The following NTM variants were observed in gnomAD, a reference collection of about 807,000 sequenced individuals.
The protein encoded by NTM is IgLON family member 2.
In NTM, 13 loss-of-function variants were observed where a neutral mutation model predicts 42.1. That is an observed-to-expected ratio of 0.31 (90% confidence interval 0.20 to 0.49). The LOEUF (loss-of-function observed/expected upper bound fraction) is 0.49. Among genes scored for constraint, NTM ranks in the 20% least tolerant of loss-of-function variants. The pLI is 0.99. For missense variants in NTM, 373 were observed against 452.8 expected (o/e 0.82, Z 1.60); for synonymous variants, 187 against 179.2 (o/e 1.04, Z -0.35).
chr11:132,181,060 C>T (rs556513537), intron 3 of NTM, among the ~76,000 whole-genome samples: 1 of 152,206 alleles, frequency 6.6e-6, no homozygotes, highest in Non-Finnish European at 1.5e-5. Flanking sequence ...AAGCAATTGC[C>T]TATTGCCAAA....
chr11:131,518,532 C>T (rs2049182443), intron 1 of NTM, among the ~76,000 whole-genome samples: 1 of 152,168 alleles, frequency 6.6e-6, no homozygotes, highest in Non-Finnish European at 1.5e-5. Flanking sequence ...GTAGCTGAAG[C>T]ATGCTATTAA....
At chr11:132,093,029 A>G (rs2060549031) in intron 2 of NTM, among the ~76,000 whole-genome samples, 1 of 152,174 alleles carries the variant, frequency 6.6e-6, no homozygotes, top group Non-Finnish European at 1.5e-5. Flanking sequence ...TTGAAATGGA[A>G]ATATGATTCT....
At chr11:131,418,919 T>G (rs1343169457) in intron 1 of NTM, among the ~76,000 whole-genome samples, 1 of 152,150 alleles carries the variant, frequency 6.6e-6, no homozygotes, top group Non-Finnish European at 1.5e-5. Context: ...TCATGAACAC[T>G]TCACCTATTG....
intron 2 of NTM, among the ~76,000 whole-genome samples, chr11:131,986,215 G>A (rs376750531): frequency 1.3e-5 from 2 of 152,150 alleles, no homozygotes; most frequent in East Asian, 1.9e-4. Context: ...TCCTTTGGCC[G>A]CTAAAGATGC....
intron 1 of NTM, among the ~76,000 whole-genome samples, chr11:131,878,590 AAAAAATATATATATATAT>A (rs2048904065): frequency 6.4e-5 from 2 of 31,478 alleles, no homozygotes; most frequent in Admixed American, 3.8e-4. Context: ...AAAAAAAAAA[AAAAAATATATATATATAT>A]ATATATATAT....
rs997831621 is a variant in NTM, at chr11:131,994,105, T to C, written c.167+82457T>C. 2.6e-5 allele frequency among the ~76,000 whole-genome samples: 4 copies of C among 152,024 alleles called. No homozygotes were observed. The East Asian group carries it at 7.7e-4, about 29-fold the overall frequency. Reference sequence around the variant, plus strand: ...TGTCTCTAAAGGTGGAGAAAGACATTAAAGAAGACAGTATTAGCCAATGGT... The same window carrying C: ...TGTCTCTAAAGGTGGAGAAAGACATCAAAGAAGACAGTATTAGCCAATGGT... On this transcript the variant is annotated intron_variant, in intron 2 of 8. Transcript: ENST00000683400.
At chr11:132,313,761 T>G (rs894262155) in intron 6 of NTM, among the ~76,000 whole-genome samples, 57 of 152,222 alleles carry the variant, frequency 3.7e-4, no homozygotes, top group Non-Finnish European at 1.9e-4. Context: ...TAAGCATACC[T>G]CACTTCCCCC....
At chr11:132,182,216 A>G (rs1287940217) in intron 3 of NTM, among the ~76,000 whole-genome samples, 1 of 151,976 alleles carries the variant, frequency 6.6e-6, no homozygotes, top group East Asian at 1.9e-4. Flanking sequence ...TAAGTTCCTA[A>G]CCTTACAATT....
Position 132,052,182 on chromosome 11 carries a change from A to T in NTM, c.168-94100A>T, listed in dbSNP as rs192721887. ...CAACAGATATTTATCCCAAGGAGGG[A>T]GATTTACAAAGCCAAATTTGCTCTT... is the stretch of plus-strand genomic sequence containing the variant. On this transcript the variant is annotated intron_variant, in intron 2 of 8. Transcript: ENST00000683400. Among the ~76,000 whole-genome samples, 206 of 152,332 alleles carry T rather than the reference A, an allele frequency of 1.4e-3. 1 individual carries two copies. The highest frequency in any genetic ancestry group is 4.8e-3 in the African/African-American group (200 of 41,574).
chr11:132,191,981 TTAAAAATGAACAAAACCTTCAATAA>T (rs1329405954), intron 3 of NTM, among the ~76,000 whole-genome samples: 2 of 152,142 alleles, frequency 1.3e-5, no homozygotes, highest in Non-Finnish European at 2.9e-5. Flanking sequence ...TAAAGAATTT[TTAAAAATGAACAAAACCTTCAATAA>T]TATGGGATTC....
intron 1 of NTM, among the ~76,000 whole-genome samples, chr11:131,439,984 C>G (rs1443088492): frequency 6.9e-6 from 1 of 145,452 alleles, no homozygotes; most frequent in African/African-American, 2.5e-5. Context: ...GTACTTAATA[C>G]ATTTCTCTTC....
intron 1 of NTM, among the ~76,000 whole-genome samples, chr11:131,517,460 A>G (rs2136519996): frequency 6.6e-6 from 1 of 152,298 alleles, no homozygotes; most frequent in South Asian, 2.1e-4. Context: ...AGGCAAAACA[A>G]TAGGCAGGCT....
chr11:131,735,774 T>A (rs1480392970), intron 1 of NTM, among the ~76,000 whole-genome samples: 1 of 151,312 alleles, frequency 6.6e-6, no homozygotes, highest in East Asian at 1.9e-4. Context: ...CACACTGTGG[T>A]GGAAAGAACA....
intron 1 of NTM, among the ~76,000 whole-genome samples, chr11:131,473,412 C>A (rs1249397276): frequency 6.6e-6 from 1 of 152,144 alleles, no homozygotes; most frequent in Non-Finnish European, 1.5e-5. Flanking sequence ...TAGGTGAAGG[C>A]GTATTCATCA....
At position 131,707,075 on chromosome 11, in the gene NTM, A is replaced by T. The variant is rs74492052; in HGVS notation, c.83-204489A>T. On this transcript the variant is annotated intron_variant, in intron 1 of 8. Transcript: ENST00000683400. ...ACCATGCTATGTAATAGATCACTAA[A>T]ACATAATTCTTCTGTGTAAATGAAA... Among the ~76,000 whole-genome samples, 1,356 of 152,096 alleles carry T rather than the reference A, an allele frequency of 8.9e-3. 24 individuals are homozygous for T. Among genetic ancestry groups the T allele is most frequent in the African/African-American group, 0.027 (1,110 of 41,536 alleles).
intron 1 of NTM, among the ~76,000 whole-genome samples, chr11:131,664,753 GTTTTTTT>G (rs199824869): frequency 0.75 from 84,511 of 112,910 alleles, 30,061 homozygotes; most frequent in East Asian, 0.83. Context: ...CTCTTCCATT[GTTTTTTT>G]TTTTTTTTTT....
At chr11:131,951,825 A>C (rs2061024631) in intron 2 of NTM, among the ~76,000 whole-genome samples, 1 of 149,484 alleles carries the variant, frequency 6.7e-6, no homozygotes, top group African/African-American at 2.4e-5. Flanking sequence ...CCGTCTCAAA[A>C]AAAAAAAAAA....
chr11:131,585,331 G>A (rs904125656), intron 1 of NTM, among the ~76,000 whole-genome samples: 2 of 152,188 alleles, frequency 1.3e-5, no homozygotes, highest in Non-Finnish European at 1.5e-5. Context: ...CAGCTGGCCT[G>A]GCTGGGGGAA....
intron 5 of NTM, 194 bp from the exon 6 acceptor site, chr11:132,309,918 T>C (rs913435917): frequency 9.4e-5 from 26 of 276,460 alleles, no homozygotes; most frequent in Admixed American, 1.9e-4. Flanking sequence ...TAGGCAGGCA[T>C]GGTGCCGTGC....
Sources: allele counts gnomAD v4.1 joint callset (sites outside exome capture counted in the v4.1 genomes callset), GRCh38; gene constraint gnomAD v4.1.1; transcripts MANE v1.5; gene names NCBI Gene and HGNC (gene_info 2026-07-23, HGNC 2026-07-21).